The following RSU1 variants were observed in gnomAD, a reference collection of about 807,000 sequenced individuals.
RSU1 encodes the protein rsu-1.
In RSU1, 26 loss-of-function variants were observed where a neutral mutation model predicts 31.1. The observed-to-expected ratio is 0.84, with a 90% CI of 0.61 to 1.16. RSU1 has a LOEUF of 1.16. Ranked by LOEUF, RSU1 falls within the 50% of genes most tolerant of loss-of-function variation. The pLI, the probability that RSU1 is intolerant of heterozygous loss-of-function variation, is 0.00. For missense variants in RSU1, 320 were observed against 339.1 expected (o/e 0.94, Z 0.44); for synonymous variants, 164 against 136.3 (o/e 1.20, Z -1.41).
intron 3 of RSU1, among the ~76,000 whole-genome samples, chr10:16,775,154 A>G (rs1837500940): frequency 6.6e-6 from 1 of 152,242 alleles, no homozygotes; most frequent in African/African-American, 2.4e-5. Flanking sequence ...TCACATGTAC[A>G]CACACATCAA....
At chr10:16,760,221 A>G (rs1456488212) in intron 4 of RSU1, among the ~76,000 whole-genome samples, 1 of 152,170 alleles carries the variant, frequency 6.6e-6, no homozygotes, top group African/African-American at 2.4e-5. Flanking sequence ...GAAAAGGAAA[A>G]GTTTAGGGCC....
At chr10:16,638,302 T>C (rs552869686) in intron 8 of RSU1, among the ~76,000 whole-genome samples, 3 of 152,154 alleles carry the variant, frequency 2.0e-5, no homozygotes, top group Non-Finnish European at 4.4e-5. Context: ...AATGCCTTTT[T>C]TTCGCGCGCA....
chr10:16,713,975 C>T (rs1199892462), intron 7 of RSU1, among the ~76,000 whole-genome samples: 2 of 152,092 alleles, frequency 1.3e-5, no homozygotes, highest in Non-Finnish European at 2.9e-5. Context: ...TCTGCAATTG[C>T]CTCAATGGCC....
intron 8 of RSU1, among the ~76,000 whole-genome samples, chr10:16,675,557 C>A (rs560905239): frequency 2.6e-5 from 4 of 151,986 alleles, no homozygotes; most frequent in Middle Eastern, 3.2e-3. Context: ...TAGAGACCAG[C>A]GTCAGGAAGA....
chr10:16,786,853 T>C (rs1837802131), intron 2 of RSU1, among the ~76,000 whole-genome samples: 1 of 152,222 alleles, frequency 6.6e-6, no homozygotes, highest in Non-Finnish European at 1.5e-5. Flanking sequence ...GGGACAGCTC[T>C]GTGCTCATCT....
In RSU1 at chr10:16,746,107, T is replaced by C. The variant is rs563968090; in HGVS notation, c.598+6432A>G. Among the ~76,000 whole-genome samples, 4 of 152,310 alleles carry C rather than the reference T, an allele frequency of 2.6e-5. No homozygotes were observed. The East Asian group carries it at 5.8e-4, about 22-fold the overall frequency. ...TTAATTCTGTTTATTCTGGAGTATA[T>C]AATTGAGAGGAAATTCTCAATTCAT... On this transcript the variant is annotated intron_variant, in intron 7 of 8. Coordinates refer to ENST00000345264, the MANE Select transcript of RSU1 (RefSeq NM_012425.4).
intron 8 of RSU1, among the ~76,000 whole-genome samples, chr10:16,693,773 G>A (rs1835615711): frequency 6.6e-6 from 1 of 152,054 alleles, no homozygotes; most frequent in African/African-American, 2.4e-5. Context: ...GAAATGGAAG[G>A]ATTGCCTCAG....
At chr10:16,670,989 C>T (rs751866881) in intron 8 of RSU1, among the ~76,000 whole-genome samples, 1 of 152,200 alleles carries the variant, frequency 6.6e-6, no homozygotes, top group Non-Finnish European at 1.5e-5. Context: ...TGGTCTTGAA[C>T]TCCTGACCTC....
chr10:16,791,706 C>T (rs531491772), intron 2 of RSU1, among the ~76,000 whole-genome samples: 2 of 151,786 alleles, frequency 1.3e-5, no homozygotes, highest in East Asian at 1.9e-4. Flanking sequence ...CTAGATAACT[C>T]ATGGAAGCAG....
At chr10:16,684,466 G>A (rs1175927176) in intron 8 of RSU1, among the ~76,000 whole-genome samples, 1 of 152,116 alleles carries the variant, frequency 6.6e-6, no homozygotes, top group African/African-American at 2.4e-5. Context: ...AAGTTAAAAT[G>A]CAGTCATTAG....
chr10:16,700,188 T>C (rs2131569008), intron 7 of RSU1, among the ~76,000 whole-genome samples: 1 of 152,268 alleles, frequency 6.6e-6, no homozygotes, highest in East Asian at 1.9e-4. Context: ...ATCGAGGCGA[T>C]CTGGGCAAAT....
In RSU1 at chr10:16,615,623, C is replaced by T. The variant is rs886512079; in HGVS notation, c.732-22127G>A. Among the ~76,000 whole-genome samples the T allele has an allele frequency of 2.6e-5, 4 of 152,328 alleles. No individual in the cohort carries two copies. The South Asian group carries it at 6.2e-4, about 24-fold the overall frequency. ...AGGGCACTTATTCTAAAATCAACCA[C>T]ACAATTTGAACTAAAACGCTCCTCA... On this transcript the variant is annotated intron_variant, in intron 8 of 8. Transcript: ENST00000345264.
chr10:16,690,881 C>G (rs1329223998), intron 8 of RSU1, among the ~76,000 whole-genome samples: 2 of 151,996 alleles, frequency 1.3e-5, no homozygotes, highest in Admixed American at 1.3e-4. Flanking sequence ...GTGCCAAAAC[C>G]AAAAGTATGT....
At chr10:16,814,888 C>A (rs917951732) in intron 2 of RSU1, among the ~76,000 whole-genome samples, 1 of 152,180 alleles carries the variant, frequency 6.6e-6, no homozygotes, top group Non-Finnish European at 1.5e-5. Context: ...GGAGCTGAAC[C>A]GAAATAGCTA....
chr10:16,736,019 G>T (rs577223382), intron 7 of RSU1, among the ~76,000 whole-genome samples: 1 of 152,204 alleles, frequency 6.6e-6, no homozygotes, highest in Non-Finnish European at 1.5e-5. Flanking sequence ...GTGCAAGAGT[G>T]GATCAAACAA....
At chr10:16,675,178 G>A (rs1268258032) in intron 8 of RSU1, among the ~76,000 whole-genome samples, 3 of 133,910 alleles carry the variant, frequency 2.2e-5, no homozygotes, top group Non-Finnish European at 3.1e-5. Flanking sequence ...TCCAGCCTGG[G>A]TAACAGAGCG....
chr10:16,709,013 T>A (rs1273504105), intron 7 of RSU1, among the ~76,000 whole-genome samples: 1 of 151,858 alleles, frequency 6.6e-6, no homozygotes, highest in African/African-American at 2.4e-5. Flanking sequence ...TTTTTTTTAA[T>A]TATACTTTAA....
intron 7 of RSU1, among the ~76,000 whole-genome samples, chr10:16,698,666 G>C (rs1835728109): frequency 6.6e-6 from 1 of 152,134 alleles, no homozygotes. Context: ...AGACGGCAGA[G>C]GCATCACAGA....
At chr10:16,611,288 GA>G (rs1379802747) in intron 8 of RSU1, among the ~76,000 whole-genome samples, 6 of 152,200 alleles carry the variant, frequency 3.9e-5, no homozygotes, top group African/African-American at 1.4e-4. Context: ...GAAGTCTCCA[GA>G]ATAGGCTGCA....
Sources: allele counts gnomAD v4.1 joint callset (sites outside exome capture counted in the v4.1 genomes callset), GRCh38; gene constraint gnomAD v4.1.1; transcripts MANE v1.5; gene names NCBI Gene and HGNC (gene_info 2026-07-23, HGNC 2026-07-21).